C12orf42: variants seen among roughly 807,000 people sequenced by gnomAD.
C12orf42 encodes uncharacterized protein C12orf42.
Under a neutral mutation model 21.6 loss-of-function variants are expected in C12orf42, and 25 were observed. The ratio of observed to expected loss-of-function variants is 1.16; its 90% CI spans 0.84 to 1.62. C12orf42 has a LOEUF of 1.62. C12orf42 is among the 40% of genes most tolerant of loss of function. The pLI is 0.00. For missense variants in C12orf42, 483 were observed against 459.3 expected, an observed-to-expected ratio of 1.05 and a Z score of -0.47; for synonymous variants, 174 against 175.0, an observed-to-expected ratio of 0.99 and a Z score of 0.05.
intron 10 of C12orf42, among the ~76,000 whole-genome samples, chr12:103,243,050 G>A (rs1270107106): frequency 6.6e-6 from 1 of 151,910 alleles, no homozygotes; most frequent in Non-Finnish European, 1.5e-5. Flanking sequence ...AAGAGATAGG[G>A]TCTCACTCTG....
intron 3 of C12orf42, among the ~76,000 whole-genome samples, chr12:103,385,005 A>T (rs2046486551): frequency 6.6e-6 from 1 of 152,180 alleles, no homozygotes. Flanking sequence ...ATCTTTACTA[A>T]GTACCAATAA....
chr12:103,187,371 T>C, the C12orf42 span, among the ~76,000 whole-genome samples: 1 of 152,108 alleles, frequency 6.6e-6, no homozygotes, highest in African/African-American at 2.4e-5. Flanking sequence ...ACAACATTAA[T>C]GATTAATGCA....
chr12:103,543,631 A>G, the C12orf42 span, among the ~76,000 whole-genome samples: 1 of 151,928 alleles, frequency 6.6e-6, no homozygotes, highest in African/African-American at 2.4e-5. Context: ...AAAACTTAAA[A>G]CACTTTAATC....
At chr12:103,226,749 G>T in the C12orf42 span, among the ~76,000 whole-genome samples, 1,448 of 152,234 alleles carry the variant, frequency 9.5e-3, 21 homozygotes, top group African/African-American at 0.033. Flanking sequence ...GGGAGGAAAG[G>T]AGAGGTCAGA....
At chr12:103,140,287 G>A in the C12orf42 span, among the ~76,000 whole-genome samples, 1 of 152,162 alleles carries the variant, frequency 6.6e-6, no homozygotes, top group Non-Finnish European at 1.5e-5. Context: ...TTGTGGCAGG[G>A]CAGAGATGAA....
chr12:103,055,605 T>C, the C12orf42 span, among the ~76,000 whole-genome samples: 1 of 152,012 alleles, frequency 6.6e-6, no homozygotes. Flanking sequence ...TTTTGGCTTA[T>C]CTTGCTCTTC....
intron 4 of C12orf42, among the ~76,000 whole-genome samples, chr12:103,325,305 A>G (rs532147279): frequency 2.6e-5 from 4 of 152,318 alleles, no homozygotes; most frequent in Admixed American, 2.0e-4. Flanking sequence ...CACTGAAAGC[A>G]TCTGATGCTT....
At chr12:103,073,218 TTAATGGG>T in the C12orf42 span, among the ~76,000 whole-genome samples, 1 of 152,010 alleles carries the variant, frequency 6.6e-6, no homozygotes, top group South Asian at 2.1e-4. Context: ...GGAAAAATAA[TTAATGGG>T]TACTGGGCTT....
chr12:103,491,817 G>A (rs186326407), intron 1 of C12orf42, among the ~76,000 whole-genome samples: 1 of 152,264 alleles, frequency 6.6e-6, no homozygotes, highest in Non-Finnish European at 1.5e-5. Context: ...AGTCATTTTA[G>A]TGGACATCAA....
the C12orf42 span, among the ~76,000 whole-genome samples, chr12:103,171,469 G>A: frequency 6.6e-6 from 1 of 152,134 alleles, no homozygotes; most frequent in Non-Finnish European, 1.5e-5. Context: ...GAAATAGAAG[G>A]AAGAACTGTT....
At chr12:103,452,625 C>T (rs112906159) in intron 2 of C12orf42, among the ~76,000 whole-genome samples, 1,903 of 152,168 alleles carry the variant, frequency 0.013, 18 homozygotes, top group South Asian at 0.019. Flanking sequence ...TGGAACCAAC[C>T]CAAATGTCCA....
intron 4 of C12orf42, among the ~76,000 whole-genome samples, chr12:103,365,545 T>C (rs2044522497): frequency 6.6e-6 from 1 of 152,068 alleles, no homozygotes; most frequent in Non-Finnish European, 1.5e-5. Flanking sequence ...TGTTGCTGTT[T>C]GCTGATGATA....
intron 10 of C12orf42, among the ~76,000 whole-genome samples, chr12:103,244,542 A>G (rs1391534046): frequency 6.6e-6 from 1 of 151,386 alleles, no homozygotes; most frequent in Admixed American, 6.6e-5. Context: ...AGCAGTGTTC[A>G]GCATTCTTTG....
At chr12:103,248,658 T>C (rs1263050686) in intron 10 of C12orf42, among the ~76,000 whole-genome samples, 2 of 152,010 alleles carry the variant, frequency 1.3e-5, no homozygotes, top group Non-Finnish European at 2.9e-5. Context: ...GGAAGTGAAT[T>C]TGTAGTTTTT....
At chr12:103,495,123 AG>A (rs1195076609) in intron 1 of C12orf42, among the ~76,000 whole-genome samples, 1 of 151,684 alleles carries the variant, frequency 6.6e-6, no homozygotes, top group Non-Finnish European at 1.5e-5. Context: ...AAATGCCAGC[AG>A]GGAGCAGATG....
At chr12:103,293,314 G>T (rs2036942486) in intron 4 of C12orf42, among the ~76,000 whole-genome samples, 1 of 151,954 alleles carries the variant, frequency 6.6e-6, no homozygotes, top group Non-Finnish European at 1.5e-5. Flanking sequence ...AATAAAATGA[G>T]CTGAAGGGTC....
At chr12:103,203,257 G>T in the C12orf42 span, among the ~76,000 whole-genome samples, 1 of 152,154 alleles carries the variant, frequency 6.6e-6, no homozygotes, top group Admixed American at 6.5e-5. Flanking sequence ...ATGGGGGATT[G>T]CCCCTGATCC....
intron 4 of C12orf42, among the ~76,000 whole-genome samples, chr12:103,363,184 A>G (rs7970531): frequency 0.49 from 73,875 of 151,922 alleles, 20,372 homozygotes; most frequent in African/African-American, 0.75. Flanking sequence ...ATGGATTGGA[A>G]ACCTTTCTTC....
At position 103,306,305 on chromosome 12, in the gene C12orf42, T is replaced by G. The variant is rs1381913062; in HGVS notation, c.300A>C (p.Arg100Ser). The G allele has an allele frequency of 2.5e-6, 4 of 1,612,334 alleles. No homozygotes were observed. The Admixed American group carries it at 5.0e-5, about 20-fold the overall frequency. Residue 100 changes from arginine (R) to serine (S), a missense_variant, in exon 5 of 6, where the codon AGA becomes AGC. Arg to Ser is a moderately radical substitution (Grantham distance 110). Coordinates refer to ENST00000548883, the MANE Select transcript of C12orf42 (RefSeq NM_198521.5). ...ERTQNSMACK[R>S]LLHTCQYIVP... ...CTATGTACTGGCAAGTATGAAGTAG[T>G]CTTTTACACGCCATTGAATTTTGAG...
Sources: allele counts gnomAD v4.1 joint callset (sites outside exome capture counted in the v4.1 genomes callset), GRCh38; gene constraint gnomAD v4.1.1; transcripts MANE v1.5; gene names NCBI Gene and HGNC (gene_info 2026-07-23, HGNC 2026-07-21).